Variants in ANO2 observed in about 807,000 individuals in gnomAD.
ANO2 encodes the protein anoctamin 2.
In ANO2, 101 loss-of-function variants were observed where a neutral mutation model predicts 124.2. The ratio of observed to expected loss-of-function variants is 0.81; its 90% CI spans 0.69 to 0.96. ANO2 has a LOEUF of 0.96. Ranked by LOEUF, ANO2 falls within the 40% of genes least tolerant of loss-of-function variation. The pLI is 0.00. For missense variants in ANO2, 1,293 were observed against 1,274.5 expected, an observed-to-expected ratio of 1.01 and a Z score of -0.22; for synonymous variants, 486 against 482.5, an observed-to-expected ratio of 1.01 and a Z score of -0.09.
intron 10 of ANO2, among the ~76,000 whole-genome samples, chr12:5,773,101 G>T (rs1952131247): frequency 6.6e-6 from 1 of 152,242 alleles, no homozygotes; most frequent in Non-Finnish European, 1.5e-5. Flanking sequence ...CCTTGGCAGT[G>T]GGTGCCACAG....
intron 3 of ANO2, among the ~76,000 whole-genome samples, chr12:5,898,211 T>C (rs1452693558): frequency 6.6e-6 from 1 of 152,174 alleles, no homozygotes; most frequent in Non-Finnish European, 1.5e-5. Flanking sequence ...TACACATGTA[T>C]CAGAATGGCT....
chr12:5,861,199 A>G (rs73255194), intron 3 of ANO2, among the ~76,000 whole-genome samples: 2,634 of 152,236 alleles, frequency 0.017, 67 homozygotes, highest in African/African-American at 0.056. Context: ...GCTAATTACA[A>G]GCAGATCCAG....
At chr12:5,718,879 A>C (rs1269195799) in intron 14 of ANO2, among the ~76,000 whole-genome samples, 1 of 152,134 alleles carries the variant, frequency 6.6e-6, no homozygotes, top group African/African-American at 2.4e-5. Flanking sequence ...TCCACCGTGC[A>C]GTTTCCTGCA....
chr12:5,799,704 G>T, intron 9 of ANO2, 133 bp from the exon 10 acceptor site: 1 of 770,052 alleles, frequency 1.3e-6, no homozygotes, highest in Non-Finnish European at 2.2e-6. Context: ...CATCCAGGGG[G>T]AGATGTTCAG....
intron 1 of ANO2, among the ~76,000 whole-genome samples, chr12:5,941,875 T>TG (rs200598304): frequency 6.6e-6 from 1 of 151,968 alleles, no homozygotes; most frequent in African/African-American, 2.4e-5. Flanking sequence ...GGGCTGGGGG[T>TG]GGAAAAAAAG....
chr12:5,848,294 C>T (rs989399425), intron 4 of ANO2, among the ~76,000 whole-genome samples: 6 of 152,180 alleles, frequency 3.9e-5, no homozygotes, highest in Admixed American at 6.5e-5. Context: ...AACTCTGTCT[C>T]TCCTGCATCC....
intron 4 of ANO2, among the ~76,000 whole-genome samples, chr12:5,850,415 C>CAAAAA (rs11307572): frequency 2.0e-5 from 2 of 100,188 alleles, no homozygotes; most frequent in African/African-American, 3.9e-5. Flanking sequence ...CACTCCATCT[C>CAAAAA]AAAAAAAAAA....
intron 23 of ANO2, among the ~76,000 whole-genome samples, chr12:5,573,898 A>G (rs1216790770): frequency 1.3e-5 from 2 of 152,290 alleles, no homozygotes; most frequent in Non-Finnish European, 2.9e-5. Context: ...TAACTCAGCC[A>G]CCCAGGTTGG....
At chr12:5,664,769 A>G (rs1170029110) in intron 14 of ANO2, among the ~76,000 whole-genome samples, 2 of 152,258 alleles carry the variant, frequency 1.3e-5, no homozygotes, top group Non-Finnish European at 2.9e-5. Context: ...CCAGGTACTA[A>G]CAGATATTCA....
In ANO2 at chr12:5,755,095, G is replaced by A. The variant is rs542192918; in HGVS notation, c.1056-4125C>T. ...TGCTGCCTCTCATAAGTTTTAATAT[G>A]TTGTGCTTTCATTTTCATTTGTCTT... On this transcript the variant is annotated intron_variant, in intron 10 of 24. Transcript: ENST00000682330. 2.6e-5 allele frequency among the ~76,000 whole-genome samples: 4 copies of A among 151,914 alleles called. No homozygotes were observed. In the East Asian group the frequency reaches 7.7e-4, roughly 29 times the overall value.
At chr12:5,664,189 C>T (rs1157822596) in intron 14 of ANO2, among the ~76,000 whole-genome samples, 1 of 152,192 alleles carries the variant, frequency 6.6e-6, no homozygotes, top group Non-Finnish European at 1.5e-5. Flanking sequence ...AGAACAATGA[C>T]CCTATCTAGC....
chr12:5,566,927 T>G (rs1421250166), intron 23 of ANO2, among the ~76,000 whole-genome samples: 1 of 152,216 alleles, frequency 6.6e-6, no homozygotes. Context: ...TCTCCTGCCA[T>G]AAATGAATTA....
intron 23 of ANO2, among the ~76,000 whole-genome samples, chr12:5,568,661 T>C (rs1941924623): frequency 1.3e-5 from 2 of 152,234 alleles, no homozygotes; most frequent in South Asian, 2.1e-4. Flanking sequence ...GCTTTAAGAA[T>C]AGAAGTGTTC....
In ANO2 at chr12:5,738,691, C is replaced by T. The variant is rs561885875; in HGVS notation, c.1434+626G>A. ...GCAAGCACGACACACTGCCCATCAT[C>T]GGCTCACCAGCATCGGGAATGGGGG... On this transcript the variant is annotated intron_variant, in intron 13 of 24. Coordinates refer to ENST00000682330, the MANE Select transcript of ANO2 (RefSeq NM_001364791.2). 5.3e-5 allele frequency among the ~76,000 whole-genome samples: 8 copies of T among 152,246 alleles called. No homozygotes were observed. The South Asian group carries it at 1.5e-3, about 28-fold the overall frequency.
intron 15 of ANO2, among the ~76,000 whole-genome samples, chr12:5,640,310 C>CTT (rs1010827658): frequency 6.6e-6 from 1 of 152,174 alleles, no homozygotes; most frequent in Non-Finnish European, 1.5e-5. Context: ...GTGTCTTTGG[C>CTT]TTACCCGAAC....
chr12:5,894,364 A>T (rs779694121), intron 3 of ANO2, among the ~76,000 whole-genome samples: 1 of 152,010 alleles, frequency 6.6e-6, no homozygotes, highest in Non-Finnish European at 1.5e-5. Context: ...AATTTGTTTA[A>T]GTTCTTGGTA....
chr12:5,895,898 C>T (rs1160562996), intron 3 of ANO2, among the ~76,000 whole-genome samples: 1 of 152,020 alleles, frequency 6.6e-6, no homozygotes, highest in East Asian at 1.9e-4. Flanking sequence ...TGCCCATCAA[C>T]CAATGAGCGA....
chr12:5,809,534 G>A (rs1020825788), intron 7 of ANO2, among the ~76,000 whole-genome samples: 1 of 152,178 alleles, frequency 6.6e-6, no homozygotes. Flanking sequence ...TAGCTCATCT[G>A]CTAATTCTCA....
Position 5,785,233 on chromosome 12 carries a change from G to A in ANO2, c.1055+14274C>T, listed in dbSNP as rs868069056. Among the ~76,000 whole-genome samples, 30 of 152,282 alleles carry A rather than the reference G, an allele frequency of 2.0e-4. 1 individual carries two copies. The highest frequency in any genetic ancestry group is 3.4e-3 in the Middle Eastern group (1 of 294). On this transcript the variant is annotated intron_variant, in intron 10 of 24. Coordinates refer to ENST00000682330, the MANE Select transcript of ANO2 (RefSeq NM_001364791.2). The stretch of plus-strand genomic sequence containing the variant: ...AGACAGGGGATGAGAGGGAAAAGGG[G>A]TGAAGACTTAGGATTATTGGAGGAG...
Sources: gnomAD v4.1 joint callset for allele counts (sites outside exome capture counted in the v4.1 genomes callset) on GRCh38, gnomAD v4.1.1 for gene constraint, MANE v1.5 for transcripts, NCBI Gene and HGNC (gene_info 2026-07-23, HGNC 2026-07-21) for gene names.